PDE4D: variants seen among roughly 807,000 people sequenced by gnomAD.
PDE4D encodes 3',5'-cyclic-AMP phosphodiesterase 4D.
A neutral mutation model predicts 87.4 loss-of-function variants in PDE4D; 24 were observed. The ratio of observed to expected loss-of-function variants is 0.27; its 90% CI spans 0.20 to 0.39. The LOEUF is 0.39. PDE4D is among the 10% of genes least tolerant of loss of function. The pLI is 1.00. For synonymous variants in PDE4D, 384 were observed against 383.2 expected, an observed-to-expected ratio of 1.00 and a Z score of -0.02; for missense variants, 714 against 1,041.0, an observed-to-expected ratio of 0.69 and a Z score of 4.32.
chr5:60,072,979 G>C (rs1562057823), intron 2 of PDE4D, among the ~76,000 whole-genome samples: 1 of 151,726 alleles, frequency 6.6e-6, no homozygotes, highest in East Asian at 1.9e-4. Context: ...TGCCTTGGCT[G>C]TTTGGTATTG....
chr5:60,403,173 C>T (rs1741236133), intron 1 of PDE4D, among the ~76,000 whole-genome samples: 1 of 152,194 alleles, frequency 6.6e-6, no homozygotes, highest in South Asian at 2.1e-4. Flanking sequence ...TCTTAGGAGG[C>T]TCGGCAGGTG....
At chr5:60,382,982 G>A (rs776160309) in intron 1 of PDE4D, among the ~76,000 whole-genome samples, 10 of 152,060 alleles carry the variant, frequency 6.6e-5, no homozygotes, top group Non-Finnish European at 1.3e-4. Context: ...CCATGTGTGC[G>A]CATGAAAAAT....
intron 1 of PDE4D, among the ~76,000 whole-genome samples, chr5:59,571,164 T>C (rs1252639773): frequency 6.6e-6 from 1 of 152,224 alleles, no homozygotes; most frequent in African/African-American, 2.4e-5. Flanking sequence ...TAGAGGTTTT[T>C]AAACACATCA....
chr5:59,771,499 G>GAAAGAAAGAAAGAAAGAAAGA (rs760590848), intron 1 of PDE4D, among the ~76,000 whole-genome samples: 34 of 19,684 alleles, frequency 1.7e-3, no homozygotes, highest in Admixed American at 2.9e-3. Flanking sequence ...GAGAGAGAGA[G>GAAAGAAAGAAAGAAAGAAAGA]AAGAAAGAAA....
At chr5:60,370,796 TGTG>T (rs1427704124) in intron 1 of PDE4D, among the ~76,000 whole-genome samples, 1 of 151,886 alleles carries the variant, frequency 6.6e-6, no homozygotes, top group African/African-American at 2.4e-5. Context: ...CATGCCCACT[TGTG>T]TGTAAGAGAG....
chr5:59,152,352 T>G (rs2153460711), intron 5 of PDE4D, among the ~76,000 whole-genome samples: 1 of 149,670 alleles, frequency 6.7e-6, no homozygotes, highest in African/African-American at 2.5e-5. Context: ...AGAAATGTAT[T>G]TCTGCTAATA....
chr5:59,762,449 C>CATGTGT (rs1385592882), intron 1 of PDE4D, among the ~76,000 whole-genome samples: 6 of 78,694 alleles, frequency 7.6e-5, no homozygotes, highest in East Asian at 5.9e-4. Flanking sequence ...TATGGGTACA[C>CATGTGT]ATATGTGTAT....
chr5:59,831,469 T>C lies in PDE4D; in HGVS notation c.455+61699A>G, dbSNP rs1378307233. Among the ~76,000 whole-genome samples the C allele has an allele frequency of 1.1e-4, 16 of 152,190 alleles. No homozygotes were observed. In the South Asian group the frequency reaches 3.3e-3, roughly 31 times the overall value. The stretch of plus-strand genomic sequence containing the variant: ...ACAATGGTAGTTTGTAGTAAATGTT[T>C]CAAATGCATCAGGCTCCATGCCAGG... On this transcript the variant is annotated intron_variant, in intron 1 of 14. Transcript: ENST00000340635.
In PDE4D at chr5:59,220,622, G is replaced by A. The variant is rs1752345255; in HGVS notation, c.456-4654C>T. Reference sequence around the variant, plus strand: ...TAGACACTTACTTAACTTTCTGAAAGTTAGCCTAATTAGTCAGTTTGGGCT... The same window carrying A: ...TAGACACTTACTTAACTTTCTGAAAATTAGCCTAATTAGTCAGTTTGGGCT... On this transcript the variant is annotated intron_variant, in intron 1 of 14. Transcript: ENST00000340635. Among the ~76,000 whole-genome samples the A allele has an allele frequency of 2.6e-5, 4 of 152,008 alleles. No individual in the cohort carries two copies. The South Asian group carries it at 8.3e-4, about 31-fold the overall frequency.
intron 3 of PDE4D, among the ~76,000 whole-genome samples, chr5:59,952,389 G>A (rs760534838): frequency 1.3e-4 from 19 of 151,936 alleles, no homozygotes; most frequent in Non-Finnish European, 2.5e-4. Flanking sequence ...CCTCTTTCTC[G>A]TCACTTCAAG....
intron 5 of PDE4D, among the ~76,000 whole-genome samples, chr5:59,131,527 C>T (rs979844287): frequency 4.0e-5 from 6 of 151,278 alleles, no homozygotes; most frequent in Non-Finnish European, 8.8e-5. Flanking sequence ...ACAGCACGGG[C>T]GTGTGGTATT....
At chr5:60,069,242 C>T (rs1316998909) in intron 2 of PDE4D, among the ~76,000 whole-genome samples, 8 of 152,090 alleles carry the variant, frequency 5.3e-5, no homozygotes, top group East Asian at 3.9e-4. Context: ...CATTAGGAGA[C>T]GGGGACTTAC....
chr5:59,729,679 G>A (rs910815500), intron 1 of PDE4D, among the ~76,000 whole-genome samples: 4 of 151,630 alleles, frequency 2.6e-5, no homozygotes, highest in South Asian at 4.1e-4. Flanking sequence ...AAATACCTAC[G>A]AAAGTAAGTC....
chr5:59,374,348 G>T (rs888601872), intron 1 of PDE4D, among the ~76,000 whole-genome samples: 2 of 151,854 alleles, frequency 1.3e-5, no homozygotes, highest in Non-Finnish European at 2.9e-5. Context: ...CCAAGCAAAT[G>T]AAAAACAGAA....
chr5:60,148,948 C>A (rs980196695), intron 2 of PDE4D, among the ~76,000 whole-genome samples: 2 of 151,952 alleles, frequency 1.3e-5, no homozygotes, highest in Non-Finnish European at 2.9e-5. Flanking sequence ...TTTTTCAGGG[C>A]AAAGTAAAGG....
At chr5:59,312,846 A>C (rs966470527) in intron 1 of PDE4D, among the ~76,000 whole-genome samples, 2 of 152,176 alleles carry the variant, frequency 1.3e-5, no homozygotes. Context: ...CAAGCCCACC[A>C]GCCCCCTCCA....
intron 1 of PDE4D, among the ~76,000 whole-genome samples, chr5:59,289,498 A>T (rs1322855532): frequency 7.0e-6 from 1 of 142,464 alleles, no homozygotes; most frequent in Non-Finnish European, 1.6e-5. Flanking sequence ...TCCCTTCATG[A>T]TAAAAATCCT....
At chr5:59,134,362 C>A (rs1776727627) in intron 5 of PDE4D, among the ~76,000 whole-genome samples, 1 of 151,724 alleles carries the variant, frequency 6.6e-6, no homozygotes, top group African/African-American at 2.4e-5. Flanking sequence ...ATCAACGGGA[C>A]AATGGGCCTT....
intron 1 of PDE4D, among the ~76,000 whole-genome samples, chr5:59,309,281 CCATT>C (rs1349157360): frequency 3.3e-5 from 5 of 152,138 alleles, no homozygotes; most frequent in Non-Finnish European, 7.3e-5. Context: ...GCTTCTCACC[CCATT>C]CAAATTGTTA....
Sources: gnomAD v4.1 joint callset for allele counts (sites outside exome capture counted in the v4.1 genomes callset) on GRCh38, gnomAD v4.1.1 for gene constraint, MANE v1.5 for transcripts, NCBI Gene and HGNC (gene_info 2026-07-23, HGNC 2026-07-21) for gene names.